Variants in POU2F3 observed in about 807,000 individuals in gnomAD.
POU2F3 encodes the protein POU class 2 homeobox 3.
Under a neutral mutation model 59.2 loss-of-function variants are expected in POU2F3, and 23 were observed. The ratio of observed to expected loss-of-function variants is 0.39; its 90% CI spans 0.28 to 0.55. The LOEUF is 0.55. Among genes scored for constraint, POU2F3 ranks in the 20% least tolerant of loss-of-function variants. The pLI, the probability that POU2F3 is intolerant of heterozygous loss-of-function variation, is 0.66. For missense variants in POU2F3, 473 were observed against 544.5 expected (o/e 0.87, Z 1.31); for synonymous variants, 190 against 214.6 (o/e 0.89, Z 1.00).
chr11:120,300,252 A>G (rs944035049), intron 5 of POU2F3, among the ~76,000 whole-genome samples: 3 of 152,234 alleles, frequency 2.0e-5, no homozygotes, highest in Non-Finnish European at 4.4e-5. Flanking sequence ...AGATTGAACT[A>G]TTAATAAATA....
At chr11:120,300,607 T>C (rs917626498) in intron 5 of POU2F3, among the ~76,000 whole-genome samples, 4 of 151,956 alleles carry the variant, frequency 2.6e-5, no homozygotes, top group African/African-American at 7.3e-5. Context: ...CCACTAAAAA[T>C]ACAAAAATTT....
At chr11:120,248,042 G>A (rs1938940575) in intron 2 of POU2F3, among the ~76,000 whole-genome samples, 1 of 152,210 alleles carries the variant, frequency 6.6e-6, no homozygotes, top group Admixed American at 6.5e-5. Flanking sequence ...GGAAAGGGAG[G>A]GAGTTCAAAT....
At chr11:120,291,971 G>A (rs1462958468) in intron 3 of POU2F3, among the ~76,000 whole-genome samples, 1 of 151,910 alleles carries the variant, frequency 6.6e-6, no homozygotes, top group African/African-American at 2.4e-5. Flanking sequence ...ACCACACCTG[G>A]CTAATGTATT....
At chr11:120,297,721 T>A (rs897144611) in intron 3 of POU2F3, among the ~76,000 whole-genome samples, 1 of 152,140 alleles carries the variant, frequency 6.6e-6, no homozygotes, top group Non-Finnish European at 1.5e-5. Context: ...AATTTTAACC[T>A]TCTTCCTCCT....
intron 2 of POU2F3, among the ~76,000 whole-genome samples, chr11:120,247,710 C>G (rs1469445046): frequency 6.6e-6 from 1 of 152,158 alleles, no homozygotes; most frequent in African/African-American, 2.4e-5. Flanking sequence ...TCTCAAAAAC[C>G]TGAGCAAGAC....
intron 3 of POU2F3, among the ~76,000 whole-genome samples, chr11:120,277,563 G>A (rs1940384845): frequency 6.6e-6 from 1 of 152,086 alleles, no homozygotes; most frequent in Non-Finnish European, 1.5e-5. Context: ...GTCACCTGAG[G>A]TCAGGAGTTC....
In POU2F3 at chr11:120,318,509, C is replaced by A. The variant is rs1941844942; in HGVS notation, c.*117C>A. ...AAGAGTGGAAGAAAATCTCCACTAT[C>A]AATGAACCCAGACTCTTGTCTTCTT... On this transcript the variant is annotated 3_prime_UTR_variant, in exon 13 of 13. Transcript: ENST00000543440. The A allele has an allele frequency of 1.9e-6, 2 of 1,044,846 alleles. No individual in the cohort carries two copies. Among genetic ancestry groups the A allele is most frequent in the South Asian group, 1.4e-5 (1 of 72,562 alleles). 64.7% of individuals were successfully genotyped at this position (1,044,846 alleles called of 1,614,324 possible). A position where few individuals can be genotyped will look rare whatever the true frequency, so the allele number is the denominator to read the frequency against.
At chr11:120,305,252 G>A (rs2135113111) in intron 7 of POU2F3, 40 bp downstream of exon 7, 1 of 1,596,386 alleles carries the variant, frequency 6.3e-7, no homozygotes, top group Non-Finnish European at 8.5e-7. Context: ...GTCTAGCCGA[G>A]CGGCTGGAGA....
intron 3 of POU2F3, among the ~76,000 whole-genome samples, chr11:120,281,952 A>G (rs1940588235): frequency 6.6e-6 from 1 of 152,230 alleles, no homozygotes; most frequent in Non-Finnish European, 1.5e-5. Flanking sequence ...GTAGACACTC[A>G]ATAACTGTGA....
intron 3 of POU2F3, 68 bp downstream of exon 3, chr11:120,269,312 T>A: frequency 7.7e-7 from 1 of 1,296,058 alleles, no homozygotes; most frequent in South Asian, 1.2e-5. Flanking sequence ...CTGTCTGGTA[T>A]GGAGGAAGAC....
At chr11:120,288,531 T>G (rs1940901054) in intron 3 of POU2F3, among the ~76,000 whole-genome samples, 1 of 152,198 alleles carries the variant, frequency 6.6e-6, no homozygotes, top group Non-Finnish European at 1.5e-5. Flanking sequence ...AGCCAACATG[T>G]GCCTTGGACA....
chr11:120,248,623 C>A (rs550683727), intron 2 of POU2F3, among the ~76,000 whole-genome samples: 24 of 152,296 alleles, frequency 1.6e-4, no homozygotes, highest in African/African-American at 5.8e-4. Flanking sequence ...CTTTTCAGCT[C>A]CAAGGAGCCC....
intron 5 of POU2F3, 67 bp from the exon 6 acceptor site, chr11:120,302,219 T>G: frequency 7.2e-7 from 1 of 1,396,476 alleles, no homozygotes; most frequent in East Asian, 2.3e-5. Context: ...GCCAAAGTTG[T>G]AGCACATGTG....
At chr11:120,266,024 G>T (rs1238522515) in intron 2 of POU2F3, 1 of 152,134 alleles carries the variant, frequency 6.6e-6, no homozygotes, top group East Asian at 1.9e-4. Context: ...TAAGCTGAGG[G>T]CTACACAATT....
upstream of POU2F3, among the ~76,000 whole-genome samples, chr11:120,239,682 A>T (rs1938585118): frequency 6.6e-6 from 1 of 152,240 alleles, no homozygotes; most frequent in Non-Finnish European, 1.5e-5. Context: ...CCTGTTTTAC[A>T]GGTGAGTTAA....
chr11:120,298,378 C>T lies in POU2F3; in HGVS notation c.246C>T (p.Ala82=). 1 of 1,613,606 alleles carries T rather than the reference C, an allele frequency of 6.2e-7. No individual in the cohort carries two copies. The highest frequency in any genetic ancestry group is 2.2e-5 in the East Asian group (1 of 44,850). The change falls in exon 4 of 13, where the codon GCC becomes GCT. Residue 82 remains alanine (A), a synonymous_variant. Coordinates refer to ENST00000543440, the MANE Select transcript of POU2F3 (RefSeq NM_014352.4). ...GAAACCAAATGTCTGGGCTAAATGC[C>T]AGCCCATGTCAGGTAACACTGTGAT... ...MSGNQMSGLN[A]SPCQDMASLH... is the part of the protein sequence containing the mutation.
At chr11:120,276,221 T>C (rs753218746) in intron 3 of POU2F3, among the ~76,000 whole-genome samples, 1 of 152,170 alleles carries the variant, frequency 6.6e-6, no homozygotes, top group Non-Finnish European at 1.5e-5. Flanking sequence ...ATAGGCCATG[T>C]TGGATTGTTT....
chr11:120,252,503 C>T (rs1244386600), intron 2 of POU2F3, among the ~76,000 whole-genome samples: 1 of 152,182 alleles, frequency 6.6e-6, no homozygotes, highest in Non-Finnish European at 1.5e-5. Flanking sequence ...CCTCCGCACC[C>T]AGCCTTGTTC....
chr11:120,290,509 T>C (rs1306474935), intron 3 of POU2F3, among the ~76,000 whole-genome samples: 1 of 152,142 alleles, frequency 6.6e-6, no homozygotes, highest in African/African-American at 2.4e-5. Flanking sequence ...CACAGCATGG[T>C]ACAGGCAGAA....
Sources: allele counts gnomAD v4.1 joint callset (sites outside exome capture counted in the v4.1 genomes callset), GRCh38; gene constraint gnomAD v4.1.1; transcripts MANE v1.5; gene names NCBI Gene and HGNC (gene_info 2026-07-23, HGNC 2026-07-21).